The following STAU2 variants were observed in gnomAD, a reference collection of about 807,000 sequenced individuals.
STAU2 encodes staufen double-stranded RNA binding protein 2.
STAU2 carries 20 observed loss-of-function variants against 65.9 expected under a neutral mutation model. The ratio of observed to expected loss-of-function variants is 0.30; its 90% CI spans 0.21 to 0.44. STAU2 has a LOEUF of 0.44. Among genes scored for constraint, STAU2 ranks in the 20% least tolerant of loss-of-function variants. STAU2 has a pLI of 1.00. For synonymous variants in STAU2, 232 were observed against 233.9 expected (o/e 0.99, Z 0.07); for missense variants, 558 against 683.9 (o/e 0.82, Z 2.05).
intron 6 of STAU2, among the ~76,000 whole-genome samples, chr8:73,618,142 T>G (rs572775003): frequency 6.6e-6 from 1 of 152,316 alleles, no homozygotes; most frequent in East Asian, 1.9e-4. Flanking sequence ...CAATTATTTA[T>G]GGAGCGTCTT....
intron 13 of STAU2, among the ~76,000 whole-genome samples, chr8:73,538,710 A>G (rs1464649314): frequency 4.0e-5 from 6 of 151,834 alleles, no homozygotes; most frequent in African/African-American, 1.5e-4. Context: ...AGGCCTATGC[A>G]TGAGAATCAT....
At chr8:73,464,810 G>A (rs1382313024) in intron 13 of STAU2, among the ~76,000 whole-genome samples, 2 of 152,222 alleles carry the variant, frequency 1.3e-5, no homozygotes, top group Admixed American at 6.5e-5. Flanking sequence ...TGGGAGGTTA[G>A]ATGAAGTTAT....
At chr8:73,568,188 C>A (rs565674433) in intron 12 of STAU2, among the ~76,000 whole-genome samples, 1 of 152,144 alleles carries the variant, frequency 6.6e-6, no homozygotes, top group Non-Finnish European at 1.5e-5. Flanking sequence ...AGATTTTTGT[C>A]TTTTCAATTA....
intron 5 of STAU2, among the ~76,000 whole-genome samples, chr8:73,680,501 T>C (rs937021216): frequency 2.0e-5 from 3 of 152,066 alleles, no homozygotes; most frequent in African/African-American, 4.8e-5. Flanking sequence ...TGACACAGTA[T>C]ATCCAAATGA....
At chr8:73,575,595 A>G (rs796930903) in intron 12 of STAU2, among the ~76,000 whole-genome samples, 4 of 152,292 alleles carry the variant, frequency 2.6e-5, no homozygotes, top group African/African-American at 9.6e-5. Context: ...TCCATCTGTG[A>G]AAAATTGATT....
chr8:73,530,442 C>G (rs1157833427), intron 13 of STAU2, among the ~76,000 whole-genome samples: 1 of 152,130 alleles, frequency 6.6e-6, no homozygotes. Flanking sequence ...GGGAGTACAA[C>G]AGGAGGGAAT....
chr8:73,525,158 G>T (rs915287670), intron 13 of STAU2, among the ~76,000 whole-genome samples: 6 of 152,168 alleles, frequency 3.9e-5, no homozygotes, highest in African/African-American at 9.7e-5. Context: ...ATCTACCAAT[G>T]TGACCATCAT....
intron 9 of STAU2, among the ~76,000 whole-genome samples, chr8:73,610,538 C>CAA (rs59599554): frequency 7.4e-5 from 7 of 95,120 alleles, no homozygotes; most frequent in Admixed American, 2.2e-4. Flanking sequence ...GACCCCGTCT[C>CAA]AAAAAAAAAA....
At chr8:73,481,816 G>A (rs745781873) in intron 13 of STAU2, among the ~76,000 whole-genome samples, 2 of 152,022 alleles carry the variant, frequency 1.3e-5, no homozygotes, top group Non-Finnish European at 2.9e-5. Context: ...TGAGTTTTGG[G>A]GATGAATCAC....
intron 13 of STAU2, among the ~76,000 whole-genome samples, chr8:73,485,426 T>C (rs1172210668): frequency 6.6e-6 from 1 of 151,986 alleles, no homozygotes; most frequent in Non-Finnish European, 1.5e-5. Flanking sequence ...AAGTTTACAA[T>C]CCAATTACCA....
intron 13 of STAU2, among the ~76,000 whole-genome samples, chr8:73,436,979 AC>A (rs1462954535): frequency 2.6e-5 from 4 of 152,186 alleles, no homozygotes; most frequent in African/African-American, 7.2e-5. Flanking sequence ...CCATTAACAC[AC>A]CTAACAATAT....
intron 13 of STAU2, among the ~76,000 whole-genome samples, chr8:73,462,678 C>T (rs1015344137): frequency 1.2e-4 from 18 of 152,068 alleles, no homozygotes; most frequent in South Asian, 2.1e-4. Context: ...ATTACAGGCG[C>T]GAACCACCAC....
intron 3 of STAU2, among the ~76,000 whole-genome samples, chr8:73,709,940 C>T (rs563790950): frequency 5.9e-5 from 9 of 152,084 alleles, no homozygotes; most frequent in African/African-American, 2.2e-4. Flanking sequence ...TCATTGTGTT[C>T]TCAAGACTTT....
At chr8:73,515,987 G>A (rs2128926161) in intron 13 of STAU2, among the ~76,000 whole-genome samples, 1 of 148,648 alleles carries the variant, frequency 6.7e-6, no homozygotes, top group South Asian at 2.1e-4. Context: ...AGGTTGGAGT[G>A]CAGTGATGTG....
At chr8:73,723,723 G>A (rs1821842036) in intron 3 of STAU2, among the ~76,000 whole-genome samples, 1 of 152,016 alleles carries the variant, frequency 6.6e-6, no homozygotes, top group Non-Finnish European at 1.5e-5. Flanking sequence ...GGGTCTTTTT[G>A]TCTCTTCTGT....
intron 3 of STAU2, chr8:73,732,874 AAATTAATAGCAGT>A (rs1345622388): frequency 6.6e-6 from 1 of 152,074 alleles, no homozygotes; most frequent in Non-Finnish European, 1.5e-5. Context: ...ATTAATAGTA[AAATTAATAGCAGT>A]AGTACCAGCA....
rs1192277611 is a variant in STAU2 at position 73,421,373 on chromosome 8, T to C, written c.1712A>G (p.Ter571TrpextTer13). 1 of 1,537,286 alleles carries C rather than the reference T, an allele frequency of 6.5e-7. No individual in the cohort carries two copies. The highest frequency in any genetic ancestry group is 2.4e-5 in the East Asian group (1 of 40,930). Residue 571 changes from the stop codon to tryptophan, a stop_lost, in exon 15 of 15, where the codon TAG becomes TGG. Transcript: ENST00000524300. ...QDCKKSNSAV* is the reference protein window; with the variant it reads ...QDCKKSNSAVW ...GGCAGCCGCGGGTTCTGGGAGCTGCTAGACGGCCGAGTTTGATTTCTTGCA... is the reference window on the plus strand; with the variant it reads ...GGCAGCCGCGGGTTCTGGGAGCTGCCAGACGGCCGAGTTTGATTTCTTGCA...
At chr8:73,446,973 G>T (rs1818502618) in intron 13 of STAU2, among the ~76,000 whole-genome samples, 1 of 152,110 alleles carries the variant, frequency 6.6e-6, no homozygotes, top group Non-Finnish European at 1.5e-5. Flanking sequence ...ACACAGTCTT[G>T]CTCTGTCACC....
At chr8:73,481,443 T>C (rs1820610933) in intron 13 of STAU2, among the ~76,000 whole-genome samples, 1 of 148,626 alleles carries the variant, frequency 6.7e-6, no homozygotes, top group South Asian at 2.1e-4. Context: ...TGAGAGCCAC[T>C]GGCTAGGGTC....
Sources: gnomAD v4.1 joint callset for allele counts (sites outside exome capture counted in the v4.1 genomes callset) on GRCh38, gnomAD v4.1.1 for gene constraint, MANE v1.5 for transcripts, NCBI Gene and HGNC (gene_info 2026-07-23, HGNC 2026-07-21) for gene names.